FAM90A1: variants seen among roughly 807,000 people sequenced by gnomAD.
The protein encoded by FAM90A1 is protein FAM90A1.
FAM90A1 carries 10 observed loss-of-function variants against 14.8 expected under a neutral mutation model. The observed-to-expected ratio is 0.67, with a 90% CI of 0.42 to 1.14. FAM90A1 has a LOEUF of 1.14. Ranked by LOEUF, FAM90A1 falls within the 50% of genes most tolerant of loss-of-function variation. FAM90A1 has a pLI of 0.00. For synonymous variants in FAM90A1, 236 were observed against 248.4 expected (o/e 0.95, Z 0.47); for missense variants, 567 against 602.8 (o/e 0.94, Z 0.62).
At chr12:8,223,019 T>C (rs1948868564) in intron 6 of FAM90A1, among the ~76,000 whole-genome samples, 1 of 152,236 alleles carries the variant, frequency 6.6e-6, no homozygotes, top group African/African-American at 2.4e-5. Context: ...TTCAAAAGAT[T>C]GCGTCTTAGG....
At position 8,224,071 on chromosome 12, in the gene FAM90A1, C is replaced by G. The variant is rs766426781; in HGVS notation, c.268G>C (p.Glu90Gln). The G allele has an allele frequency of 6.0e-5, 97 of 1,612,100 alleles. 7 individuals are homozygous for G. The highest frequency in any genetic ancestry group is 1.7e-5 in the Admixed American group (1 of 60,028). Residue 90 changes from glutamate to glutamine, a missense_variant, in exon 5 of 7, where the codon GAA becomes CAA. Coordinates refer to ENST00000538603, the MANE Select transcript of FAM90A1 (RefSeq NM_018088.3). The stretch of plus-strand genomic sequence containing the variant: ...TTGTTCAAGGGCCCAGGGTTCGCTT[C>G]AACCTGGGGCTTCCATGGTTTCAGG... The part of the protein sequence containing the change: ...ENLKPWKPQV[E>Q]ANPGPLNKDK...
At chr12:8,223,354 G>T in intron 6 of FAM90A1, 95 bp downstream of exon 6, 1 of 728,436 alleles carries the variant, frequency 1.4e-6, no homozygotes, top group Non-Finnish European at 2.5e-6. Flanking sequence ...AGAAAGAGGG[G>T]TTCCCCGATT....
chr12:8,222,441 T>C lies in FAM90A1; in HGVS notation c.776A>G (p.Gln259Arg). Residue 259 changes from glutamine (Q) to arginine (R), a missense_variant, in exon 7 of 7, where the codon CAA becomes CGA. Transcript: ENST00000538603. ...TGAGGTCACCGCAGGACGTTTGTCT[T>C]GTGCCTGGGGGCTGACGGCCTGGAG... ...GLLQAVSPQA[Q>R]DKRPAVTSQP... 1 of 1,602,786 alleles carries C rather than the reference T, an allele frequency of 6.2e-7. No individual in the cohort carries two copies. Among genetic ancestry groups the C allele is most frequent in the Non-Finnish European group, 8.5e-7 (1 of 1,173,710 alleles).
At position 8,222,459 on chromosome 12, in the gene FAM90A1, G is replaced by C; in HGVS notation, c.758C>G (p.Ala253Gly). ...TTTGTCTTGTGCCTGGGGGCTGACG[G>C]CCTGGAGCAGGCCGTGGGTTTTGGA... ...AASKTHGLLQAVSPQAQDKRP... is the reference protein window; with the variant it reads ...AASKTHGLLQGVSPQAQDKRP... Residue 253 changes from alanine (A) to glycine (G), a missense_variant, in exon 7 of 7, where the codon GCC (alanine) becomes GGC (glycine). Coordinates refer to ENST00000538603, the MANE Select transcript of FAM90A1 (RefSeq NM_018088.3). 2 of 1,599,258 alleles carry C rather than the reference G, an allele frequency of 1.3e-6. No homozygotes were observed. Among genetic ancestry groups the C allele is most frequent in the South Asian group, 2.2e-5 (2 of 89,630 alleles).
chr12:8,225,369 C>A (rs1197999239), intron 3 of FAM90A1, among the ~76,000 whole-genome samples: 1 of 152,236 alleles, frequency 6.6e-6, no homozygotes, highest in Non-Finnish European at 1.5e-5. Context: ...CTTCCAAACA[C>A]AAATTCATAG....
In FAM90A1 at chr12:8,222,785, C is replaced by T. The variant is rs764178922; in HGVS notation, c.433-1G>A. ...GGACCGGCATTGGCCCGCTTGCAAC[C>T]TGAAAGAGAGGAAACAACACAGGTT... On this transcript the variant is annotated splice_acceptor_variant, in intron 6 of 6. Coordinates refer to ENST00000538603, the MANE Select transcript of FAM90A1 (RefSeq NM_018088.3). LOFTEE classifies it high-confidence loss of function. 1.3e-6 allele frequency: 2 copies of T among 1,592,952 alleles called. No homozygotes were observed. Among genetic ancestry groups the T allele is most frequent in the Non-Finnish European group, 1.7e-6 (2 of 1,176,650 alleles).
intron 4 of FAM90A1, among the ~76,000 whole-genome samples, chr12:8,224,457 TGTC>T (rs35876445): frequency 0.5 from 75,780 of 151,736 alleles, 20,896 homozygotes; most frequent in Non-Finnish European, 0.69. Flanking sequence ...GTGAACCCGA[TGTC>T]AACAACACAG....
At position 8,222,501 on chromosome 12, in the gene FAM90A1, TC is replaced by T; in HGVS notation, c.715del (p.Glu239LysfsTer27). Reference sequence around the variant, plus strand: ...GGTTTTGGAGGCAGCCTGGGGAACTTCTCGACAGCCACCCGCAGGGCTGCTG... The same window carrying T: ...GGTTTTGGAGGCAGCCTGGGGAACTTTCGACAGCCACCCGCAGGGCTGCTG... ...THSSPAGGCR[E>X]VPQAASKTHG... On this transcript the variant is annotated frameshift_variant, in exon 7 of 7. Transcript: ENST00000538603. LOFTEE classifies it low-confidence loss of function (END_TRUNC). The T allele has an allele frequency of 1.9e-6, 3 of 1,611,078 alleles. No homozygotes were observed. Among genetic ancestry groups the T allele is most frequent in the Non-Finnish European group, 2.5e-6 (3 of 1,179,148 alleles).
intron 5 of FAM90A1, among the ~76,000 whole-genome samples, 169 bp from the exon 6 acceptor site, chr12:8,223,726 GT>G (rs1222937404): frequency 3.3e-5 from 5 of 152,130 alleles, no homozygotes; most frequent in Non-Finnish European, 7.3e-5. Flanking sequence ...CATCCTCCAG[GT>G]GGCCCTCTAG....
Position 8,223,478 on chromosome 12 carries a change from CT to C in FAM90A1, c.402del (p.Gly135AspfsTer9). 6.2e-7 allele frequency: 1 copy of C among 1,609,044 alleles called. No individual in the cohort carries two copies. The highest frequency in any genetic ancestry group is 8.5e-7 in the Non-Finnish European group (1 of 1,177,142). On this transcript the variant is annotated frameshift_variant, in exon 6 of 7. Transcript: ENST00000538603. LOFTEE classifies it low-confidence loss of function (END_TRUNC). ...KPPEKPLPNQ[K>X]GSTESSDYLR... ...AGATAATCAGAAGATTCCGTGGATCCTTTTTGATTTGGCAGCGGCTTCTCTG... is the reference window on the plus strand; with the variant it reads ...AGATAATCAGAAGATTCCGTGGATCCTTTTGATTTGGCAGCGGCTTCTCTG...
intron 2 of FAM90A1, 40 bp from the exon 3 acceptor site, chr12:8,226,032 G>T (rs7302378): frequency 6.7e-6 from 1 of 149,090 alleles, no homozygotes. Flanking sequence ...GTTACATGTA[G>T]GTTAATTACA....
chr12:8,222,285 C>A lies in FAM90A1; in HGVS notation c.932G>T (p.Gly311Val). 1.9e-6 allele frequency: 3 copies of A among 1,611,364 alleles called. No homozygotes were observed. The South Asian group carries it at 3.3e-5, about 18-fold the overall frequency. The change falls in exon 7 of 7, where the codon GGT (glycine) becomes GTT (valine). Residue 311 changes from glycine to valine, a missense_variant. Physicochemically the swap from Gly to Val is moderately radical, Grantham distance 109. Transcript: ENST00000538603. The part of the protein sequence containing the change: ...CLNFPKKPRL[G>V]PFQIPESAIQ... ...GGCGCTTTCGGGGATCTGGAAGGGA[C>A]CCAGTCTCGGTTTCTTGGGGAAGTT...
Position 8,221,264 on chromosome 12 carries a change from C to A in FAM90A1, c.*558G>T, listed in dbSNP as rs1406246288. ...TGAAAGTCAAAAGACAATATGTCAT[C>A]TTTTTGAGAATTTTATTCACTTCAA... On this transcript the variant is annotated 3_prime_UTR_variant, in exon 7 of 7. Coordinates refer to ENST00000538603, the MANE Select transcript of FAM90A1 (RefSeq NM_018088.3). 1 of 173,686 alleles carries A rather than the reference C, an allele frequency of 5.8e-6. No homozygotes were observed. The highest frequency in any genetic ancestry group is 2.4e-5 in the African/African-American group (1 of 41,630). The allele number at this position is 173,686 out of a possible 1,614,324, so 10.8% of individuals were successfully genotyped here.
At position 8,223,488 on chromosome 12, in the gene FAM90A1, T is replaced by C; in HGVS notation, c.393A>G (p.Pro131=). 6.2e-7 allele frequency: 1 copy of C among 1,610,282 alleles called. No homozygotes were observed. The highest frequency in any genetic ancestry group is 8.5e-7 in the Non-Finnish European group (1 of 1,178,262). The change falls in exon 6 of 7, where the codon CCA becomes CCG. Residue 131 remains proline, a synonymous_variant. Transcript: ENST00000538603. Reference sequence around the variant, plus strand: ...AAGATTCCGTGGATCCTTTTTGATTTGGCAGCGGCTTCTCTGGAGGTTTCC... The same window carrying C: ...AAGATTCCGTGGATCCTTTTTGATTCGGCAGCGGCTTCTCTGGAGGTTTCC... ...FSRKPPEKPL[P]NQKGSTESSD...
chr12:8,224,499 A>C (rs180859356), intron 4 of FAM90A1, among the ~76,000 whole-genome samples: 4,611 of 152,296 alleles, frequency 0.03, 255 homozygotes, highest in African/African-American at 0.11. Flanking sequence ...GACTCTAAGT[A>C]GAAAGGGAGG....
rs779099317 is a variant in FAM90A1 at position 8,224,185 on chromosome 12, G to A, written c.154C>T (p.His52Tyr). The A allele has an allele frequency of 6.2e-7, 1 of 1,612,018 alleles. No homozygotes were observed. The highest frequency in any genetic ancestry group is 1.7e-5 in the Admixed American group (1 of 60,022). The change falls in exon 5 of 7, where the codon CAC (histidine) becomes TAC (tyrosine). Residue 52 changes from histidine to tyrosine, a missense_variant. His to Tyr is a moderately conservative substitution (Grantham distance 83). Transcript: ENST00000538603. ...GGGCACCTGGTACTTCTGGCCGTGT[G>A]GCCAAAGGCCTCACAGTTTTTGCAC... is the stretch of plus-strand genomic sequence containing the variant. Reference protein sequence around the residue: ...LKCKNCEAFGHTARSTRCPMK... With the variant: ...LKCKNCEAFGYTARSTRCPMK...
rs777007125 is a variant in FAM90A1, at chr12:8,224,779, C to T, written c.54G>A (p.Gln18=). The T allele has an allele frequency of 1.5e-5, 24 of 1,606,552 alleles. No individual in the cohort carries two copies. In the South Asian group the frequency reaches 2.4e-4, roughly 16 times the overall value. Residue 18 remains glutamine, a synonymous_variant, in exon 4 of 7, where the codon CAG becomes CAA. Transcript: ENST00000538603. ...KPGAKRLVRA[Q]TLQKQRRAPV... ...GGGCCCTCCGCTGCTTCTGGAGGGT[C>T]TGGGCTCTCACCAGTCTCTTTGCCC... is the stretch of plus-strand genomic sequence containing the variant.
rs200513527 is a variant in FAM90A1, at chr12:8,224,727, C to T, written c.106G>A (p.Asp36Asn). Reference protein sequence around the residue: ...APVGPRAPPPDEEDPRLKCKN... With the variant: ...APVGPRAPPPNEEDPRLKCKN... ...AGACTTACCCTGGGATCTTCTTCAT[C>T]GGGCGGGGGAGCCCTTGGCCCAACT... Residue 36 changes from aspartate to asparagine, a missense_variant, in exon 4 of 7, where the codon GAT (aspartate) becomes AAT (asparagine). Physicochemically the swap from Asp to Asn is conservative, Grantham distance 23. Transcript: ENST00000538603. 1.4e-3 allele frequency: 2,006 copies of T among 1,460,862 alleles called. 11 individuals carry two copies. In the Admixed American group the frequency reaches 0.016, roughly 11 times the overall value. The allele number at this position is 1,460,862 out of a possible 1,614,324, so 90.5% of individuals were successfully genotyped here. A position where few individuals can be genotyped will look rare whatever the true frequency, so the allele number is the denominator to read the frequency against.
At chr12:8,222,834 A>G in intron 6 of FAM90A1, 50 bp from the exon 7 acceptor site, 3 of 1,546,640 alleles carry the variant, frequency 1.9e-6, no homozygotes, top group Non-Finnish European at 2.6e-6. Flanking sequence ...CATGGAGCCA[A>G]CATGAAAATC....
Sources: allele counts gnomAD v4.1 joint callset (sites outside exome capture counted in the v4.1 genomes callset), GRCh38; gene constraint gnomAD v4.1.1; transcripts MANE v1.5; gene names NCBI Gene and HGNC (gene_info 2026-07-23, HGNC 2026-07-21).